FRAS1: variants seen among roughly 807,000 people sequenced by gnomAD.
FRAS1 encodes Fraser extracellular matrix complex subunit 1, also known as extracellular matrix organizing protein FRAS1.
A neutral mutation model predicts 435.2 loss-of-function variants in FRAS1; 290 were observed. That is an observed-to-expected ratio of 0.67 (90% confidence interval 0.61 to 0.73). The LOEUF is 0.73. FRAS1 is among the 30% of genes least tolerant of loss of function. FRAS1 has a pLI of 0.00. For missense variants in FRAS1, 4,860 were observed against 5,001.5 expected (o/e 0.97, Z 0.85); for synonymous variants, 1,800 against 1,851.0 (o/e 0.97, Z 0.71).
At chr4:78,333,981 T>C (rs993577433) in intron 19 of FRAS1, among the ~76,000 whole-genome samples, 2 of 152,100 alleles carry the variant, frequency 1.3e-5, no homozygotes, top group African/African-American at 4.8e-5. Context: ...TTTTTTATTG[T>C]GGAAAAAGTG....
intron 2 of FRAS1, among the ~76,000 whole-genome samples, chr4:78,193,132 G>C (rs1407882225): frequency 6.6e-6 from 1 of 152,222 alleles, no homozygotes; most frequent in African/African-American, 2.4e-5. Context: ...ACTGTGGTCT[G>C]AGAGACAGTT....
intron 22 of FRAS1, among the ~76,000 whole-genome samples, chr4:78,366,868 G>A (rs576247425): frequency 2.0e-5 from 3 of 152,262 alleles, no homozygotes; most frequent in South Asian, 4.1e-4. Context: ...CCCGAGGGAC[G>A]TTGGTACCTA....
chr4:78,287,159 T>A (rs6840751), intron 14 of FRAS1, among the ~76,000 whole-genome samples: 6,664 of 148,832 alleles, frequency 0.045, 510 homozygotes, highest in African/African-American at 0.15. Context: ...AGAGAGAGAG[T>A]GAGAGAGAGA....
chr4:78,317,021 A>G (rs1729286608), intron 16 of FRAS1, among the ~76,000 whole-genome samples: 1 of 152,180 alleles, frequency 6.6e-6, no homozygotes, highest in African/African-American at 2.4e-5. Flanking sequence ...CCGTGGGTAA[A>G]TTTTTGAACT....
chr4:78,260,451 T>C (rs1417332819), intron 6 of FRAS1, among the ~76,000 whole-genome samples: 4 of 152,158 alleles, frequency 2.6e-5, no homozygotes, highest in African/African-American at 9.7e-5. Context: ...AGGTATTTTA[T>C]TCTCTTTGAA....
At chr4:78,081,625 C>A (rs145214113) in intron 2 of FRAS1, among the ~76,000 whole-genome samples, 1 of 152,198 alleles carries the variant, frequency 6.6e-6, no homozygotes, top group East Asian at 1.9e-4. Context: ...TTGGCAAGAA[C>A]CTTATCACTA....
In FRAS1 at chr4:78,436,704, A is replaced by C. The variant is rs968980728; in HGVS notation, c.5218-1866A>C. Among the ~76,000 whole-genome samples the C allele has an allele frequency of 2.1e-4, 32 of 152,214 alleles. 1 individual carries two copies. Among genetic ancestry groups the C allele is most frequent in the Non-Finnish European group, 7.3e-5 (5 of 68,042 alleles). On this transcript the variant is annotated intron_variant, in intron 38 of 73. Coordinates refer to ENST00000512123, the MANE Select transcript of FRAS1 (RefSeq NM_025074.7). ...AATGTTGAGTTAAAAAAAAAATTGC[A>C]AAAGAGTAAAGTCAACTTCATATTT...
chr4:78,432,671 C>T (rs1734263535), intron 38 of FRAS1, 67 bp downstream of exon 38: 10 of 1,480,494 alleles, frequency 6.8e-6, no homozygotes, highest in Middle Eastern at 2.4e-4. Flanking sequence ...GACTGGGCAG[C>T]AATGCCATGG....
intron 60 of FRAS1, 24 bp downstream of exon 60, chr4:78,496,985 TTACTCTTAGG>T (rs1483152762): frequency 4.4e-6 from 7 of 1,598,264 alleles, no homozygotes; most frequent in Non-Finnish European, 6.0e-6. Context: ...TTATCTTTAG[TTACTCTTAGG>T]TTGAGGGGAC....
At chr4:78,118,951 A>G (rs944942109) in intron 2 of FRAS1, among the ~76,000 whole-genome samples, 1 of 152,218 alleles carries the variant, frequency 6.6e-6, no homozygotes. Flanking sequence ...CTATTCAGCC[A>G]TCTTGGCTCC....
Position 78,278,761 on chromosome 4 carries a change from T to C in FRAS1, c.1071+17T>C, listed in dbSNP as rs1357058033. The C allele has an allele frequency of 1.5e-6, 2 of 1,377,544 alleles. No homozygotes were observed. Among genetic ancestry groups the C allele is most frequent in the East Asian group, 2.3e-5 (1 of 43,700 alleles). 85.3% of individuals were successfully genotyped at this position (1,377,544 alleles called of 1,614,324 possible). A position where few individuals can be genotyped will look rare whatever the true frequency, so the allele number is the denominator to read the frequency against. On this transcript the variant is annotated intron_variant, in intron 10 of 73. Coordinates refer to ENST00000512123, the MANE Select transcript of FRAS1 (RefSeq NM_025074.7). ...GGAGAATTTGTGAGTATCAGGCTTA[T>C]AACCGAAGATGATTTCAAATTAATT...
intron 67 of FRAS1, among the ~76,000 whole-genome samples, chr4:78,520,683 C>CA (rs964995903): frequency 2.6e-5 from 4 of 152,150 alleles, no homozygotes; most frequent in East Asian, 3.9e-4. Context: ...GAAATAATGA[C>CA]AAAAAAATCT....
chr4:78,408,234 G>A (rs1057256610), intron 31 of FRAS1, among the ~76,000 whole-genome samples: 5 of 151,548 alleles, frequency 3.3e-5, no homozygotes, highest in Admixed American at 1.3e-4. Context: ...GTCTCCCACC[G>A]GGTCCCTCCA....
intron 2 of FRAS1, among the ~76,000 whole-genome samples, chr4:78,120,668 A>T (rs921553595): frequency 6.6e-6 from 1 of 152,112 alleles, no homozygotes; most frequent in African/African-American, 2.4e-5. Context: ...TAAGGTCAGG[A>T]TTATTTCAAT....
At chr4:78,395,909 T>G (rs1378959226) in intron 29 of FRAS1, among the ~76,000 whole-genome samples, 1 of 152,090 alleles carries the variant, frequency 6.6e-6, no homozygotes, top group Non-Finnish European at 1.5e-5. Context: ...TCTGACTGTT[T>G]TGTAGTTCCT....
chr4:78,160,832 C>A (rs1241587062), intron 2 of FRAS1, among the ~76,000 whole-genome samples: 1 of 151,994 alleles, frequency 6.6e-6, no homozygotes, highest in South Asian at 2.1e-4. Flanking sequence ...TGACATAAGC[C>A]ATTTAAAGAT....
At position 78,450,353 on chromosome 4, in the gene FRAS1, C is replaced by T; in HGVS notation, c.6463+14C>T. ...ACATTAGCCAAGGTCAGCCAGTTCT[C>T]TTCTGCCTACCAGGCTTCCGTGGAC... is the stretch of plus-strand genomic sequence containing the variant. On this transcript the variant is annotated intron_variant, in intron 45 of 73. Coordinates refer to ENST00000512123, the MANE Select transcript of FRAS1 (RefSeq NM_025074.7). 3.7e-6 allele frequency: 6 copies of T among 1,612,036 alleles called. No individual in the cohort carries two copies. The highest frequency in any genetic ancestry group is 5.1e-6 in the Non-Finnish European group (6 of 1,178,176).
At chr4:78,450,023 G>T in intron 44 of FRAS1, 128 bp from the exon 45 acceptor site, 2 of 610,422 alleles carry the variant, frequency 3.3e-6, no homozygotes, top group Non-Finnish European at 5.5e-6. Context: ...AAACTGAGAA[G>T]GGCAAGTGCC....
rs1433373677 is a variant in FRAS1, at chr4:78,438,704, T to G, written c.5352T>G (p.Asn1784Lys). The change falls in exon 39 of 74, where the codon AAT becomes AAG. Residue 1784 changes from asparagine (N) to lysine (K), a missense_variant. By Grantham distance (94) the Asn-to-Lys change is moderately conservative (BLOSUM62 0). Coordinates refer to ENST00000512123, the MANE Select transcript of FRAS1 (RefSeq NM_025074.7). ...EVSNFTMEDI[N>K]NKKIRYSAVF... ...CCAATTTCACAATGGAAGACATCAA[T>G]AACAAGAAAATCAGGTACATAATCA... 1 of 1,598,956 alleles carries G rather than the reference T, an allele frequency of 6.3e-7. No individual in the cohort carries two copies. Among genetic ancestry groups the G allele is most frequent in the African/African-American group, 1.3e-5 (1 of 74,576 alleles).
Sources: allele counts gnomAD v4.1 joint callset (sites outside exome capture counted in the v4.1 genomes callset), GRCh38; gene constraint gnomAD v4.1.1; transcripts MANE v1.5; gene names NCBI Gene and HGNC (gene_info 2026-07-23, HGNC 2026-07-21).